Variants in RANBP2 observed in about 807,000 individuals in gnomAD.
The protein encoded by RANBP2 is RAN binding protein 2, also known as E3 SUMO-protein ligase RanBP2.
RANBP2 carries 57 observed loss-of-function variants against 303.6 expected under a neutral mutation model. The observed-to-expected ratio is 0.19, with a 90% CI of 0.15 to 0.23. The LOEUF is 0.23. Among genes scored for constraint, RANBP2 ranks in the 10% least tolerant of loss-of-function variants. The pLI is 1.00. For missense variants in RANBP2, 3,138 were observed against 3,780.8 expected, an observed-to-expected ratio of 0.83 and a Z score of 4.46; for synonymous variants, 1,167 against 1,301.5, an observed-to-expected ratio of 0.90 and a Z score of 2.23.
chr2:108,812,222 A>G, the RANBP2 span, among the ~76,000 whole-genome samples: 7 of 152,134 alleles, frequency 4.6e-5, no homozygotes, highest in African/African-American at 9.7e-5. Flanking sequence ...ATATATATAC[A>G]TATCAGTATA....
At chr2:109,038,191 A>G in the RANBP2 span, among the ~76,000 whole-genome samples, 2 of 152,266 alleles carry the variant, frequency 1.3e-5, no homozygotes, top group Non-Finnish European at 2.9e-5. Flanking sequence ...AGAGAAGGAT[A>G]GCCTTTTCAA....
the RANBP2 span, among the ~76,000 whole-genome samples, chr2:109,408,568 C>T: frequency 2.3e-4 from 35 of 152,384 alleles, 1 homozygote; most frequent in Admixed American, 2.0e-3. Context: ...CTCCCATTCG[C>T]TGTCCCCTCT....
the RANBP2 span, among the ~76,000 whole-genome samples, chr2:108,811,247 C>CTTTTTTTTTTTT: frequency 1.5e-4 from 17 of 113,906 alleles, no homozygotes; most frequent in African/African-American, 6.5e-4. Flanking sequence ...TTCTCTCTCT[C>CTTTTTTTTTTTT]TTTTTTTTTT....
At chr2:108,811,624 T>C in the RANBP2 span, among the ~76,000 whole-genome samples, 1 of 152,254 alleles carries the variant, frequency 6.6e-6, no homozygotes, top group South Asian at 2.1e-4. Flanking sequence ...TTAAGAAAAT[T>C]ATTTTAGATT....
At chr2:109,047,163 C>T in the RANBP2 span, among the ~76,000 whole-genome samples, 2 of 152,078 alleles carry the variant, frequency 1.3e-5, no homozygotes, top group Non-Finnish European at 2.9e-5. Context: ...TGGCCCAGCC[C>T]TGCTCCCCTC....
At chr2:109,096,232 A>G in the RANBP2 span, among the ~76,000 whole-genome samples, 1 of 152,236 alleles carries the variant, frequency 6.6e-6, no homozygotes, top group Non-Finnish European at 1.5e-5. Flanking sequence ...TATCAAAACC[A>G]TACAGGAAAC....
chr2:109,446,769 C>T, the RANBP2 span, among the ~76,000 whole-genome samples: 1 of 114,132 alleles, frequency 8.8e-6, no homozygotes, highest in Non-Finnish European at 2.1e-5. Flanking sequence ...CACACTCCCT[C>T]TCTTCTTTGG....
chr2:108,964,017 T>A, the RANBP2 span, among the ~76,000 whole-genome samples: 1 of 152,222 alleles, frequency 6.6e-6, no homozygotes, highest in Non-Finnish European at 1.5e-5. Flanking sequence ...GACTATGGCC[T>A]CTGTGGCTGC....
At chr2:108,869,681 G>A in the RANBP2 span, among the ~76,000 whole-genome samples, 2 of 151,974 alleles carry the variant, frequency 1.3e-5, no homozygotes. Context: ...GCAGCCAGAG[G>A]AAACAAGAAA....
At chr2:109,057,000 G>A in the RANBP2 span, among the ~76,000 whole-genome samples, 1 of 152,164 alleles carries the variant, frequency 6.6e-6, no homozygotes, top group African/African-American at 2.4e-5. Flanking sequence ...AGTCTCTTGG[G>A]TTTAATCTAT....
chr2:109,066,432 C>G, the RANBP2 span, among the ~76,000 whole-genome samples: 1 of 152,126 alleles, frequency 6.6e-6, no homozygotes, highest in Non-Finnish European at 1.5e-5. Flanking sequence ...TAAAGGCATG[C>G]CCTCTCCATC....
the RANBP2 span, among the ~76,000 whole-genome samples, chr2:109,192,851 G>C: frequency 6.6e-6 from 1 of 152,142 alleles, no homozygotes; most frequent in African/African-American, 2.4e-5. Flanking sequence ...CATTTCTCCT[G>C]CACCTGTTTC....
At chr2:108,828,716 C>T in the RANBP2 span, among the ~76,000 whole-genome samples, 2 of 152,176 alleles carry the variant, frequency 1.3e-5, no homozygotes, top group Non-Finnish European at 2.9e-5. Context: ...TGGTGGTTCA[C>T]ATTTGTAATT....
the RANBP2 span, among the ~76,000 whole-genome samples, chr2:109,581,178 G>A: frequency 5.3e-5 from 8 of 152,144 alleles, no homozygotes; most frequent in Admixed American, 6.5e-5. Flanking sequence ...GGTGGCTCAC[G>A]CCTGTAATCC....
At chr2:109,495,514 C>T in the RANBP2 span, among the ~76,000 whole-genome samples, 2 of 59,660 alleles carry the variant, frequency 3.4e-5, no homozygotes, top group Non-Finnish European at 5.4e-5. Flanking sequence ...TTTTTTGAGA[C>T]AAAGTCTCAC....
the RANBP2 span, among the ~76,000 whole-genome samples, chr2:109,170,438 C>T: frequency 6.6e-6 from 1 of 152,036 alleles, no homozygotes; most frequent in Non-Finnish European, 1.5e-5. Context: ...CTCCGCCTCC[C>T]GGGTTCAAGT....
At chr2:108,725,060 G>A (rs1694585215) in intron 1 of RANBP2, among the ~76,000 whole-genome samples, 2 of 152,194 alleles carry the variant, frequency 1.3e-5, no homozygotes, top group Admixed American at 1.3e-4. Flanking sequence ...TACTGTGCAA[G>A]ATAGAGATGA....
the RANBP2 span, chr2:109,449,200 G>A: frequency 2.5e-5 from 40 of 1,613,536 alleles, no homozygotes; most frequent in East Asian, 8.9e-5. Flanking sequence ...GCTCAGGACC[G>A]GCCAACTGCC....
the RANBP2 span, among the ~76,000 whole-genome samples, chr2:109,012,718 T>C: frequency 1.3e-5 from 2 of 152,082 alleles, no homozygotes; most frequent in African/African-American, 4.8e-5. Flanking sequence ...ATCGAGACCA[T>C]CCTGGCCAAC....
Sources: allele counts gnomAD v4.1 joint callset (sites outside exome capture counted in the v4.1 genomes callset), GRCh38; gene constraint gnomAD v4.1.1; transcripts MANE v1.5; gene names NCBI Gene and HGNC (gene_info 2026-07-23, HGNC 2026-07-21).